The following G2E3 variants were observed in gnomAD, a reference collection of about 807,000 sequenced individuals.
The protein encoded by G2E3 is G2/M-phase specific E3 ubiquitin protein ligase, also known as G2/M phase-specific E3 ubiquitin-protein ligase.
In G2E3, 35 loss-of-function variants were observed where a neutral mutation model predicts 92.8. The ratio of observed to expected loss-of-function variants is 0.38; its 90% CI spans 0.29 to 0.50. The LOEUF (loss-of-function observed/expected upper bound fraction) is 0.50, where lower values mean the gene tolerates loss of function less well. Ranked by LOEUF, G2E3 falls within the 20% of genes least tolerant of loss-of-function variation. The probability of loss-of-function intolerance (pLI) is 0.94; values close to 1 mark genes in which losing one functional copy is unlikely to be tolerated. For missense variants in G2E3, 554 were observed against 823.8 expected (o/e 0.67, Z 4.01); for synonymous variants, 242 against 272.4 (o/e 0.89, Z 1.10).
intron 1 of G2E3, among the ~76,000 whole-genome samples, chr14:30,578,417 C>T (rs1880238188): frequency 6.6e-6 from 1 of 152,114 alleles, no homozygotes; most frequent in African/African-American, 2.4e-5. Flanking sequence ...AGCCTAACAC[C>T]ACCAGGGATA....
chr14:30,571,029 T>A (rs1879729807), intron 1 of G2E3, among the ~76,000 whole-genome samples: 1 of 152,140 alleles, frequency 6.6e-6, no homozygotes, highest in Non-Finnish European at 1.5e-5. Context: ...ATCTAAGAAA[T>A]CTTACGTAAC....
intron 11 of G2E3, among the ~76,000 whole-genome samples, chr14:30,606,503 T>A (rs974980002): frequency 6.6e-6 from 1 of 152,128 alleles, no homozygotes; most frequent in Non-Finnish European, 1.5e-5. Flanking sequence ...TCACACAGTT[T>A]AATTATAAAC....
intron 1 of G2E3, among the ~76,000 whole-genome samples, chr14:30,562,665 C>T (rs1879178806): frequency 6.6e-6 from 1 of 152,062 alleles, no homozygotes; most frequent in Admixed American, 6.5e-5. Context: ...GGCCTGACAC[C>T]AGTCAGGCCC....
intron 12 of G2E3, among the ~76,000 whole-genome samples, chr14:30,610,289 C>G (rs1325924620): frequency 6.6e-6 from 1 of 152,086 alleles, no homozygotes; most frequent in African/African-American, 2.4e-5. Flanking sequence ...TGTAATATGC[C>G]ATCACGTAGT....
intron 10 of G2E3, chr14:30,602,919 G>C (rs1387472523): frequency 6.6e-6 from 1 of 152,090 alleles, no homozygotes; most frequent in Non-Finnish European, 1.5e-5. Flanking sequence ...GCCATTTTTT[G>C]ATGTTATAAT....
intron 1 of G2E3, among the ~76,000 whole-genome samples, chr14:30,567,179 G>C (rs1879486991): frequency 6.6e-6 from 1 of 152,122 alleles, no homozygotes; most frequent in African/African-American, 2.4e-5. Flanking sequence ...CGGGGTATTG[G>C]TGGCTTCATA....
chr14:30,616,005 G>T (rs897433110), intron 14 of G2E3, among the ~76,000 whole-genome samples: 3 of 152,024 alleles, frequency 2.0e-5, no homozygotes, highest in East Asian at 3.8e-4. Flanking sequence ...TAGATTTTTG[G>T]TTTTTTACCG....
chr14:30,582,687 A>G (rs751287195), intron 2 of G2E3, among the ~76,000 whole-genome samples: 39 of 152,202 alleles, frequency 2.6e-4, no homozygotes, highest in Non-Finnish European at 4.8e-4. Flanking sequence ...AGAATGTCCA[A>G]TATGAACAAA....
chr14:30,567,675 T>C (rs1276773423), intron 1 of G2E3, among the ~76,000 whole-genome samples: 1 of 152,026 alleles, frequency 6.6e-6, no homozygotes, highest in Non-Finnish European at 1.5e-5. Context: ...TTCCTTCTGC[T>C]AGCTTTGGGT....
At chr14:30,583,242 A>G (rs1880528569) in intron 2 of G2E3, among the ~76,000 whole-genome samples, 1 of 152,236 alleles carries the variant, frequency 6.6e-6, no homozygotes, top group Admixed American at 6.5e-5. Flanking sequence ...GTATAAATAA[A>G]CATGTAACAG....
chr14:30,563,738 T>TGTGTGTGTGA (rs566217168), intron 1 of G2E3, among the ~76,000 whole-genome samples: 2 of 141,534 alleles, frequency 1.4e-5, no homozygotes, highest in African/African-American at 5.2e-5. Flanking sequence ...TGTGTGTGTG[T>TGTGTGTGTGA]GATATAGAGT....
At chr14:30,584,843 T>C (rs866004580) in intron 2 of G2E3, among the ~76,000 whole-genome samples, 4 of 149,162 alleles carry the variant, frequency 2.7e-5, no homozygotes, top group Middle Eastern at 3.4e-3. Flanking sequence ...TTTTTTTTTT[T>C]TTTGAGACGG....
At chr14:30,561,190 AT>A (rs999413454) in intron 1 of G2E3, among the ~76,000 whole-genome samples, 31 of 152,328 alleles carry the variant, frequency 2.0e-4, no homozygotes, top group African/African-American at 6.0e-4. Flanking sequence ...TCTCTCATTA[AT>A]CTTTACAATA....
chr14:30,571,092 T>C (rs181402615), intron 1 of G2E3, among the ~76,000 whole-genome samples: 1 of 152,214 alleles, frequency 6.6e-6, no homozygotes, highest in East Asian at 1.9e-4. Flanking sequence ...TTTTATAGTT[T>C]TACATTTTGT....
chr14:30,619,078 T>C lies in G2E3; in HGVS notation c.*2544T>C, dbSNP rs533435890. 39 of 152,228 alleles carry C rather than the reference T, an allele frequency of 2.6e-4. No individual in the cohort carries two copies. The highest frequency in any genetic ancestry group is 8.9e-4 in the African/African-American group (37 of 41,582). 9.4% of individuals were successfully genotyped at this position (152,228 alleles called of 1,614,324 possible). A position where few individuals can be genotyped will look rare whatever the true frequency, so the allele number is the denominator to read the frequency against. The stretch of plus-strand genomic sequence containing the variant: ...TAAACACTTTCCAATATGGAAACTT[T>C]AACACCTTTTATACAATTCTCTACT... On this transcript the variant is annotated 3_prime_UTR_variant, in exon 15 of 15. Transcript: ENST00000206595.
intron 4 of G2E3, 32 bp from the exon 5 acceptor site, chr14:30,592,291 G>T (rs766882085): frequency 6.3e-7 from 1 of 1,597,570 alleles, no homozygotes; most frequent in Admixed American, 1.7e-5. Context: ...GATTTTTTAT[G>T]TTGTGACCCC....
In G2E3 at chr14:30,593,474, G is replaced by A; in HGVS notation, c.363G>A (p.Ala121=). The A allele has an allele frequency of 6.9e-7, 1 of 1,444,556 alleles. No homozygotes were observed. Among genetic ancestry groups the A allele is most frequent in the Non-Finnish European group, 9.5e-7 (1 of 1,056,668 alleles). 89.5% of individuals were successfully genotyped at this position (1,444,556 alleles called of 1,614,324 possible). ...ECIFQFTGNF[A]SFCWDHRPVQ... ...TTTTTAAAATAATTTACATTTTTAG[G>A]TCATTTTGTTGGGACCATCGACCTG... Residue 121 remains alanine, a splice_region_variant and synonymous_variant, in exon 6 of 15, where the codon GCG becomes GCA. Transcript: ENST00000206595.
chr14:30,613,754 T>G (rs189282893), intron 13 of G2E3, among the ~76,000 whole-genome samples: 546 of 152,148 alleles, frequency 3.6e-3, no homozygotes, highest in Non-Finnish European at 5.4e-3. Flanking sequence ...TGTGTCCTGA[T>G]AATTCTAATT....
chr14:30,589,372 T>A lies in G2E3; in HGVS notation c.136-11T>A, dbSNP rs1880885960. ...TTAGAGTTTATTTTCTAATTGAGAA[T>A]ATATTCATAGTTGATGTCAAGTGGA... On this transcript the variant is annotated splice_polypyrimidine_tract_variant and intron_variant, in intron 3 of 14. Coordinates refer to ENST00000206595, the MANE Select transcript of G2E3 (RefSeq NM_017769.5). 6.9e-7 allele frequency: 1 copy of A among 1,446,984 alleles called. No individual in the cohort carries two copies. Among genetic ancestry groups the A allele is most frequent in the Non-Finnish European group, 9.7e-7 (1 of 1,030,562 alleles). 89.6% of individuals were successfully genotyped at this position (1,446,984 alleles called of 1,614,324 possible).
Sources: allele counts gnomAD v4.1 joint callset (sites outside exome capture counted in the v4.1 genomes callset), GRCh38; gene constraint gnomAD v4.1.1; transcripts MANE v1.5; gene names NCBI Gene and HGNC (gene_info 2026-07-23, HGNC 2026-07-21).